RPTOR: variants seen among roughly 807,000 people sequenced by gnomAD.
RPTOR encodes regulatory-associated protein of mTOR.
Under a neutral mutation model 169.9 loss-of-function variants are expected in RPTOR, and 21 were observed. That is an observed-to-expected ratio of 0.12 (90% CI 0.09 to 0.18). The LOEUF (loss-of-function observed/expected upper bound fraction) is 0.18, where lower values mean the gene tolerates loss of function less well. RPTOR is among the 10% of genes least tolerant of loss of function. The probability of loss-of-function intolerance (pLI) is 1.00; values close to 1 mark genes in which losing one functional copy is unlikely to be tolerated. For synonymous variants in RPTOR, 732 were observed against 753.2 expected, an observed-to-expected ratio of 0.97 and a Z score of 0.46; for missense variants, 1,133 against 1,855.9, an observed-to-expected ratio of 0.61 and a Z score of 7.16.
At chr17:80,783,794 T>G (rs1238943832) in intron 6 of RPTOR, among the ~76,000 whole-genome samples, 1 of 152,252 alleles carries the variant, frequency 6.6e-6, no homozygotes, top group African/African-American at 2.4e-5. Flanking sequence ...GCTAGCTTGC[T>G]TCTGTAGCAC....
intron 5 of RPTOR, among the ~76,000 whole-genome samples, chr17:80,749,544 G>A (rs1378064199): frequency 6.8e-6 from 1 of 147,666 alleles, no homozygotes; most frequent in African/African-American, 2.5e-5. Flanking sequence ...AGGGGCTGCG[G>A]TGTGTGTTTG....
At chr17:80,927,707 A>G (rs2068828163) in intron 24 of RPTOR, among the ~76,000 whole-genome samples, 1 of 133,668 alleles carries the variant, frequency 7.5e-6, no homozygotes, top group African/African-American at 2.9e-5. Context: ...GTGTATGTGT[A>G]TCTCGTGTGT....
chr17:80,884,653 G>A (rs902857129), intron 16 of RPTOR, among the ~76,000 whole-genome samples: 1 of 152,114 alleles, frequency 6.6e-6, no homozygotes, highest in African/African-American at 2.4e-5. Flanking sequence ...GAGTGCCTGC[G>A]CCCTCCCCTC....
intron 23 of RPTOR, 152 bp downstream of exon 23, chr17:80,923,825 T>G (rs2068777907): frequency 2.4e-6 from 2 of 825,290 alleles, no homozygotes; most frequent in Non-Finnish European, 3.8e-6. Flanking sequence ...TCTCTGCCTT[T>G]GCAGACCCGG....
intron 6 of RPTOR, among the ~76,000 whole-genome samples, chr17:80,770,490 G>A (rs1311883862): frequency 1.3e-5 from 2 of 152,142 alleles, no homozygotes; most frequent in Non-Finnish European, 2.9e-5. Context: ...CATCCAGCAG[G>A]GGCAGCTCAC....
intron 3 of RPTOR, among the ~76,000 whole-genome samples, chr17:80,644,766 G>A (rs896503726): frequency 6.6e-6 from 1 of 152,162 alleles, no homozygotes; most frequent in African/African-American, 2.4e-5. Flanking sequence ...TAGAGTAAGA[G>A]AACAGCCAAA....
chr17:80,823,780 T>A lies in RPTOR; in HGVS notation c.1136+557T>A, dbSNP rs1293785792. ...CTCCTATTAGTAGTAACAGTGACAA[T>A]AATGTGATTTGTTTTTAGTCTAGAC... On this transcript the variant is annotated intron_variant, in intron 9 of 33. Coordinates refer to ENST00000306801, the MANE Select transcript of RPTOR (RefSeq NM_020761.3). The surrounding 1 kb of genome is among the most constrained non-coding windows in gnomAD (Gnocchi z 4.5). Among the ~76,000 whole-genome samples the A allele has an allele frequency of 6.6e-6, 1 of 152,166 alleles. No individual in the cohort carries two copies. The highest frequency in any genetic ancestry group is 1.5e-5 in the Non-Finnish European group (1 of 68,036).
intron 24 of RPTOR, among the ~76,000 whole-genome samples, chr17:80,932,907 A>G (rs1254883644): frequency 6.6e-6 from 1 of 152,234 alleles, no homozygotes; most frequent in African/African-American, 2.4e-5. Context: ...CCTCTGGAGC[A>G]AAAGGACACA....
intron 1 of RPTOR, among the ~76,000 whole-genome samples, chr17:80,566,977 CT>C (rs958930983): frequency 2.7e-4 from 40 of 146,620 alleles, no homozygotes; most frequent in Middle Eastern, 3.6e-3. Context: ...AGCTGTACCT[CT>C]TTTTTTTTTT....
intron 3 of RPTOR, among the ~76,000 whole-genome samples, chr17:80,700,706 G>C (rs375833878): frequency 3.8e-5 from 1 of 26,618 alleles, no homozygotes; most frequent in South Asian, 1.4e-3. Flanking sequence ...GATGGTGGTG[G>C]TGATGGTGGT....
chr17:80,680,987 G>C (rs2065893859), intron 3 of RPTOR, among the ~76,000 whole-genome samples: 1 of 152,158 alleles, frequency 6.6e-6, no homozygotes, highest in Admixed American at 6.5e-5. Flanking sequence ...GGCGGAAGAG[G>C]AGAGGGAGCC....
chr17:80,930,159 C>T (rs1261565772), intron 24 of RPTOR, among the ~76,000 whole-genome samples: 3 of 148,152 alleles, frequency 2.0e-5, no homozygotes, highest in Non-Finnish European at 4.5e-5. Flanking sequence ...CAGCTCAGCT[C>T]ATCCCCAGCT....
At chr17:80,767,124 G>A (rs1281370396) in intron 6 of RPTOR, among the ~76,000 whole-genome samples, 2 of 152,238 alleles carry the variant, frequency 1.3e-5, no homozygotes, top group Non-Finnish European at 2.9e-5. Flanking sequence ...TATAATCCCA[G>A]CACTTTGGGA....
intron 7 of RPTOR, among the ~76,000 whole-genome samples, chr17:80,805,841 G>A (rs369950342): frequency 2.0e-5 from 3 of 152,234 alleles, no homozygotes. Flanking sequence ...CCAGGAAGGG[G>A]CAATAATTTG....
intron 3 of RPTOR, among the ~76,000 whole-genome samples, chr17:80,669,536 C>T (rs549849053): frequency 9.2e-5 from 14 of 152,362 alleles, no homozygotes; most frequent in Non-Finnish European, 1.9e-4. Flanking sequence ...AGGCGTGCGC[C>T]ACCATGCCCG....
chr17:80,555,702 C>T (rs2084399392), intron 1 of RPTOR, among the ~76,000 whole-genome samples: 1 of 152,194 alleles, frequency 6.6e-6, no homozygotes, highest in Non-Finnish European at 1.5e-5. Context: ...AAATCATTTG[C>T]ATTGAACTGC....
At chr17:80,693,546 A>G (rs1422063635) in intron 3 of RPTOR, among the ~76,000 whole-genome samples, 1 of 152,244 alleles carries the variant, frequency 6.6e-6, no homozygotes, top group Non-Finnish European at 1.5e-5. Context: ...AGAGTCGATG[A>G]TTTTACAAAT....
chr17:80,629,904 G>A (rs1235724878), intron 2 of RPTOR, among the ~76,000 whole-genome samples: 1 of 152,246 alleles, frequency 6.6e-6, no homozygotes, highest in African/African-American at 2.4e-5. Flanking sequence ...GTATTGCGCT[G>A]TTGGACATTG....
rs186729974 is a variant in RPTOR at position 80,689,609 on chromosome 17, G to A, written c.349-18232G>A. On this transcript the variant is annotated intron_variant, in intron 3 of 33. Transcript: ENST00000306801. The stretch of plus-strand genomic sequence containing the variant: ...GTCTCCATGTTTGCTGACCTGCAGC[G>A]AAAAGTCAGAAAGCTAATTGGAGGC... Among the ~76,000 whole-genome samples the A allele has an allele frequency of 2.7e-3, 404 of 152,314 alleles. 4 individuals are homozygous for A. The highest frequency in any genetic ancestry group is 6.8e-3 in the Middle Eastern group (2 of 294).
Sources: gnomAD v4.1 joint callset for allele counts (sites outside exome capture counted in the v4.1 genomes callset) on GRCh38, gnomAD v4.1.1 for gene constraint, Gnocchi (gnomAD v3.1) non-coding constraint, MANE v1.5 for transcripts, NCBI Gene and HGNC (gene_info 2026-07-23, HGNC 2026-07-21) for gene names.